The following DNAH12 variants were observed in gnomAD, a reference collection of about 807,000 sequenced individuals.
DNAH12 encodes axonemal beta dynein heavy chain 12.
In DNAH12, 285 loss-of-function variants were observed where a neutral mutation model predicts 371.5. That is an observed-to-expected ratio of 0.77 (90% CI 0.70 to 0.85). The LOEUF (loss-of-function observed/expected upper bound fraction) is 0.85, where lower values mean the gene tolerates loss of function less well. Among genes scored for constraint, DNAH12 ranks in the 40% least tolerant of loss-of-function variants. The pLI is 0.00. For synonymous variants in DNAH12, 1,200 were observed against 1,213.0 expected (o/e 0.99, Z 0.22); for missense variants, 3,611 against 3,689.4 (o/e 0.98, Z 0.55).
chr3:57,445,498 T>C lies in DNAH12; in HGVS notation c.4180-79A>G, dbSNP rs1369116908. 4.1e-6 allele frequency: 5 copies of C among 1,213,188 alleles called. No homozygotes were observed. The East Asian group carries it at 1.5e-4, about 36-fold the overall frequency. The allele number at this position is 1,213,188 out of a possible 1,614,324, so 75.2% of individuals were successfully genotyped here. On this transcript the variant is annotated intron_variant, in intron 27 of 73. Coordinates refer to ENST00000495027, the MANE Select transcript of DNAH12 (RefSeq NM_001366028.2). ...AGCTGAGCATAAGTATTCAAAGGTGTGGTGTTGTCAAGTTTATTCTCCAAA... is the reference window on the plus strand; with the variant it reads ...AGCTGAGCATAAGTATTCAAAGGTGCGGTGTTGTCAAGTTTATTCTCCAAA...
At chr3:57,467,509 A>C (rs2066239445) in intron 17 of DNAH12, among the ~76,000 whole-genome samples, 1 of 152,152 alleles carries the variant, frequency 6.6e-6, no homozygotes, top group Admixed American at 6.5e-5. Flanking sequence ...AAATGCTAAA[A>C]TTTTTTAATG....
At chr3:57,357,450 A>G (rs1177642820) in intron 58 of DNAH12, 102 bp from the exon 59 acceptor site, 1 of 152,152 alleles carries the variant, frequency 6.6e-6, no homozygotes, top group African/African-American at 2.4e-5. Flanking sequence ...TCTCAGTGCA[A>G]TAACAGTATA....
At chr3:57,298,678 T>G (rs950084020) in intron 70 of DNAH12, among the ~76,000 whole-genome samples, 3 of 152,244 alleles carry the variant, frequency 2.0e-5, no homozygotes, top group Non-Finnish European at 4.4e-5. Flanking sequence ...CCATTCATTC[T>G]TTAAATCCCA....
chr3:57,552,057 A>G, the DNAH12 span, among the ~76,000 whole-genome samples: 1 of 151,752 alleles, frequency 6.6e-6, no homozygotes, highest in African/African-American at 2.4e-5. Context: ...ATCCTGGCTA[A>G]CACGGTGAAA....
chr3:57,332,840 G>A (rs997837635), intron 62 of DNAH12, among the ~76,000 whole-genome samples: 1 of 152,178 alleles, frequency 6.6e-6, no homozygotes, highest in Non-Finnish European at 1.5e-5. Context: ...AAAAGCCATA[G>A]AGAGTCCTTA....
intron 43 of DNAH12, among the ~76,000 whole-genome samples, chr3:57,401,683 C>G (rs2063871644): frequency 6.7e-6 from 1 of 149,422 alleles, no homozygotes; most frequent in Admixed American, 6.7e-5. Context: ...AGCAAGGAAG[C>G]TAGGAAGGAA....
intron 17 of DNAH12, among the ~76,000 whole-genome samples, chr3:57,463,768 AC>A (rs2153378214): frequency 6.6e-6 from 1 of 151,946 alleles, no homozygotes; most frequent in African/African-American, 2.4e-5. Context: ...GAAAGGACAT[AC>A]TCTTTATTTA....
At chr3:57,426,657 T>A (rs2064777398) in intron 34 of DNAH12, among the ~76,000 whole-genome samples, 1 of 150,718 alleles carries the variant, frequency 6.6e-6, no homozygotes, top group African/African-American at 2.4e-5. Flanking sequence ...TAGCAAAACC[T>A]CATCTCTACA....
At chr3:57,528,216 CAG>C (rs1303170745) in intron 2 of DNAH12, among the ~76,000 whole-genome samples, 2 of 151,386 alleles carry the variant, frequency 1.3e-5, no homozygotes, top group African/African-American at 4.9e-5. Context: ...TTAGTAGAGA[CAG>C]GGTTTCTCCA....
At position 57,306,397 on chromosome 3, in the gene DNAH12, T is replaced by A. The variant is rs546362303; in HGVS notation, c.11189+2754A>T. On this transcript the variant is annotated intron_variant, in intron 69 of 73. Coordinates refer to ENST00000495027, the MANE Select transcript of DNAH12 (RefSeq NM_001366028.2). The stretch of plus-strand genomic sequence containing the variant: ...GGTGCCAACTTAGACAATACTCTTT[T>A]AAGCACTCCTTTTTAGTTATCCCCA... 4.3e-3 allele frequency among the ~76,000 whole-genome samples: 656 copies of A among 152,246 alleles called. 5 individuals carry two copies. The highest frequency in any genetic ancestry group is 0.013 in the African/African-American group (537 of 41,536).
chr3:57,352,748 C>G (rs185859403), intron 59 of DNAH12, among the ~76,000 whole-genome samples: 1 of 151,730 alleles, frequency 6.6e-6, no homozygotes, highest in Admixed American at 6.6e-5. Context: ...AACATTTGCC[C>G]GCCCCAAAGA....
chr3:57,433,752 T>C lies in DNAH12; in HGVS notation c.4732A>G (p.Asn1578Asp). ...TCTTCCTCTCCATAGCCATGTTCAT[T>C]CATTAAAGTTAGCGTATCCGCCAGC... ...HVLADTLTLMNEHGYGEEEKV... is the reference protein window; with the variant it reads ...HVLADTLTLMDEHGYGEEEKV... Residue 1578 changes from asparagine to aspartate, a missense_variant, in exon 31 of 74, where the codon AAT becomes GAT. By Grantham distance (23) the Asn-to-Asp change is conservative. Coordinates refer to ENST00000495027, the MANE Select transcript of DNAH12 (RefSeq NM_001366028.2). 1 of 1,551,446 alleles carries C rather than the reference T, an allele frequency of 6.4e-7. No individual in the cohort carries two copies. Among genetic ancestry groups the C allele is most frequent in the African/African-American group, 1.4e-5 (1 of 73,178 alleles).
In DNAH12 at chr3:57,453,331, A is replaced by G. The variant is rs1296763928; in HGVS notation, c.3529T>C (p.Ser1177Pro). The stretch of plus-strand genomic sequence containing the variant: ...CCCAGAGTGGTCCTGGTCTGCTTAG[A>G]CAACTTTCCTCTTACCAGCTCTACA... ...EIVELVRGKL[S>P]KQTRTTLGAL... Residue 1177 changes from serine to proline, a missense_variant, in exon 24 of 74, where the codon TCT becomes CCT. Coordinates refer to ENST00000495027, the MANE Select transcript of DNAH12 (RefSeq NM_001366028.2). 1.3e-6 allele frequency: 2 copies of G among 1,551,284 alleles called. No homozygotes were observed. The highest frequency in any genetic ancestry group is 1.7e-6 in the Non-Finnish European group (2 of 1,146,866).
chr3:57,365,427 G>A (rs1311037181), intron 57 of DNAH12, among the ~76,000 whole-genome samples: 1 of 152,046 alleles, frequency 6.6e-6, no homozygotes, highest in Non-Finnish European at 1.5e-5. Flanking sequence ...GTAGACACAG[G>A]GTAGGGAACA....
chr3:57,507,775 T>C lies in DNAH12; in HGVS notation c.765A>G (p.Ala255=). The C allele has an allele frequency of 2.5e-6, 4 of 1,609,290 alleles. No homozygotes were observed. Among genetic ancestry groups the C allele is most frequent in the Non-Finnish European group, 3.4e-6 (4 of 1,179,312 alleles). The change falls in exon 8 of 74, where the codon GCA becomes GCG. Residue 255 remains alanine (A), a synonymous_variant. Coordinates refer to ENST00000495027, the MANE Select transcript of DNAH12 (RefSeq NM_001366028.2). ...ACCATGTATTCATTATCTTCTCTTC[T>C]GCGTTTCTAGTTTGTATTGATAGAT... ...KTDLSIQTRN[A]EEKIMNTWYP...
Position 57,401,102 on chromosome 3 carries a change from T to G in DNAH12, c.6948+2207A>C, listed in dbSNP as rs972663242. ...AATATATGAAAATTAAACTGTTAAT[T>G]TAATTGTTAAACAACCAGTAAGTCA... On this transcript the variant is annotated intron_variant, in intron 43 of 73. Coordinates refer to ENST00000495027, the MANE Select transcript of DNAH12 (RefSeq NM_001366028.2). 1.9e-3 allele frequency among the ~76,000 whole-genome samples: 289 copies of G among 152,210 alleles called. 4 individuals carry two copies. The highest frequency in any genetic ancestry group is 6.6e-3 in the African/African-American group (273 of 41,534).
chr3:57,362,114 T>C (rs1460314032), intron 58 of DNAH12, among the ~76,000 whole-genome samples: 1 of 151,848 alleles, frequency 6.6e-6, no homozygotes, highest in Non-Finnish European at 1.5e-5. Flanking sequence ...ACATGCAGTG[T>C]TTGGTTTTCT....
rs373932940 is a variant in DNAH12 at position 57,483,407 on chromosome 3, A to G, written c.1619T>C (p.Val540Ala). 5.8e-6 allele frequency: 9 copies of G among 1,549,726 alleles called. No homozygotes were observed. The highest frequency in any genetic ancestry group is 7.8e-6 in the Non-Finnish European group (9 of 1,146,570). ...CCTTAAAATCAACTCTTCGATTCCT[A>G]CAGTCCGGGCTTTTTCTACATAAGA... ...LISYVEKART[V>A]GIEELILRIQ... The change falls in exon 13 of 74, where the codon GTA becomes GCA. Residue 540 changes from valine to alanine, a missense_variant. Val to Ala is a moderately conservative substitution (Grantham distance 64). Transcript: ENST00000495027.
At chr3:57,453,833 C>T (rs2065827488) in intron 23 of DNAH12, among the ~76,000 whole-genome samples, 3 of 152,066 alleles carry the variant, frequency 2.0e-5, no homozygotes, top group Admixed American at 2.0e-4. Flanking sequence ...CTCGGTCTCC[C>T]AAAGTGCTAG....
Sources: allele counts gnomAD v4.1 joint callset (sites outside exome capture counted in the v4.1 genomes callset), GRCh38; gene constraint gnomAD v4.1.1; transcripts MANE v1.5; gene names NCBI Gene and HGNC (gene_info 2026-07-23, HGNC 2026-07-21).